The following CYRIA variants were observed in gnomAD, a reference collection of about 807,000 sequenced individuals.
CYRIA encodes CYFIP-related Rac1 interactor A.
In CYRIA, 15 loss-of-function variants were observed where a neutral mutation model predicts 43.9. That is an observed-to-expected ratio of 0.34 (90% CI 0.23 to 0.53). The LOEUF (loss-of-function observed/expected upper bound fraction) is 0.53, where lower values mean the gene tolerates loss of function less well. Ranked by LOEUF, CYRIA falls within the 20% of genes least tolerant of loss-of-function variation. The pLI, the probability that CYRIA is intolerant of heterozygous loss-of-function variation, is 0.94. For synonymous variants in CYRIA, 117 were observed against 136.0 expected (o/e 0.86, Z 0.97); for missense variants, 236 against 394.2 (o/e 0.60, Z 3.40).
chr2:16,640,434 A>ACACAGTCCCCTGGCTGGG (rs1669640005), intron 1 of CYRIA, among the ~76,000 whole-genome samples: 11 of 152,346 alleles, frequency 7.2e-5, no homozygotes, highest in Admixed American at 7.2e-4. Flanking sequence ...GGGGACTGGG[A>ACACAGTCCCCTGGCTGGG]GAACCACAAG....
chr2:16,571,893 G>T (rs1667140817), intron 3 of CYRIA, among the ~76,000 whole-genome samples: 1 of 152,078 alleles, frequency 6.6e-6, no homozygotes, highest in Admixed American at 6.6e-5. Context: ...GTGATTTATA[G>T]CACAATACTA....
intron 2 of CYRIA, among the ~76,000 whole-genome samples, chr2:16,615,982 C>T (rs539772350): frequency 8.5e-5 from 13 of 152,260 alleles, no homozygotes; most frequent in East Asian, 7.7e-4. Flanking sequence ...CTGTTTCGCT[C>T]GATTATCGCT....
At chr2:16,556,105 T>C (rs546593001) in intron 10 of CYRIA, among the ~76,000 whole-genome samples, 1 of 152,244 alleles carries the variant, frequency 6.6e-6, no homozygotes, top group South Asian at 2.1e-4. Flanking sequence ...TATATTGGAT[T>C]TGGTTATACT....
chr2:16,561,155 A>T lies in CYRIA; in HGVS notation c.630+6T>A, dbSNP rs569476319. The T allele has an allele frequency of 3.7e-6, 6 of 1,612,524 alleles. No individual in the cohort carries two copies. In the South Asian group the frequency reaches 5.5e-5, roughly 15 times the overall value. ...AAAAAGCACCTCGTTGCTCAACTTC[A>T]CTTACTTCAGAGACAAAGTGCATTG... is the stretch of plus-strand genomic sequence containing the variant. On this transcript the variant is annotated splice_donor_region_variant and intron_variant, in intron 8 of 11. Coordinates refer to ENST00000381323, the MANE Select transcript of CYRIA (RefSeq NM_030797.4).
chr2:16,618,434 A>G (rs982871988), intron 2 of CYRIA, among the ~76,000 whole-genome samples: 1 of 152,186 alleles, frequency 6.6e-6, no homozygotes, highest in African/African-American at 2.4e-5. Context: ...GGAAGAAGAG[A>G]AGAACCCCAG....
chr2:16,589,161 T>C (rs1667835805), intron 2 of CYRIA, among the ~76,000 whole-genome samples: 2 of 152,112 alleles, frequency 1.3e-5, no homozygotes, highest in African/African-American at 4.8e-5. Context: ...GTAAGTGAAC[T>C]CTTGTGCCTC....
At chr2:16,663,606 C>T (rs1216649133) in intron 1 of CYRIA, among the ~76,000 whole-genome samples, 1 of 151,800 alleles carries the variant, frequency 6.6e-6, no homozygotes, top group Admixed American at 6.6e-5. Context: ...CTCTGGGTCC[C>T]TGACTTATCT....
rs571633972 is a variant in CYRIA, at chr2:16,640,567, C to T, written c.-166-16548G>A. On this transcript the variant is annotated intron_variant, in intron 1 of 11. Transcript: ENST00000381323. ...CAGAGTGGAGAGCCCCATCTGGTTG[C>T]TTGGCCTTTCCTCTGGTGCTGCTGG... 1.7e-3 allele frequency among the ~76,000 whole-genome samples: 266 copies of T among 152,344 alleles called. 1 individual carries two copies. The highest frequency in any genetic ancestry group is 6.1e-3 in the African/African-American group (254 of 41,582).
Position 16,552,695 on chromosome 2 carries a change from T to A in CYRIA, c.*241A>T. The A allele has an allele frequency of 2.2e-6, 1 of 464,720 alleles. No homozygotes were observed. Among genetic ancestry groups the A allele is most frequent in the Non-Finnish European group, 3.8e-6 (1 of 261,638 alleles). The allele number at this position is 464,720 out of a possible 1,614,324, so 28.8% of individuals were successfully genotyped here. On this transcript the variant is annotated 3_prime_UTR_variant, in exon 12 of 12. Coordinates refer to ENST00000381323, the MANE Select transcript of CYRIA (RefSeq NM_030797.4). The stretch of plus-strand genomic sequence containing the variant: ...AGGACTCCAGTAGCAAAGATCAAAG[T>A]CTCCGAATTTTGCCTTTGGAGAAGG...
At chr2:16,611,988 G>T (rs1188792487) in intron 2 of CYRIA, among the ~76,000 whole-genome samples, 2 of 152,066 alleles carry the variant, frequency 1.3e-5, no homozygotes, top group Non-Finnish European at 2.9e-5. Context: ...TCCTGCAGGG[G>T]GGACTCCTTG....
chr2:16,607,763 A>G (rs1668458354), intron 2 of CYRIA, among the ~76,000 whole-genome samples: 2 of 151,724 alleles, frequency 1.3e-5, no homozygotes, highest in African/African-American at 4.8e-5. Flanking sequence ...CACCTGGCTA[A>G]TTTTCGTATT....
At chr2:16,560,920 A>T in intron 9 of CYRIA, 70 bp downstream of exon 9, 1 of 1,347,200 alleles carries the variant, frequency 7.4e-7, no homozygotes, top group Non-Finnish European at 1.1e-6. Flanking sequence ...ACATATCATT[A>T]ACATCATCAT....
chr2:16,614,232 A>G (rs547958698), intron 2 of CYRIA, among the ~76,000 whole-genome samples: 102 of 152,346 alleles, frequency 6.7e-4, no homozygotes, highest in Non-Finnish European at 8.5e-4. Flanking sequence ...TTTTATGGAC[A>G]GATGGGAGAT....
chr2:16,578,984 A>G (rs1376792799), intron 3 of CYRIA, among the ~76,000 whole-genome samples: 1 of 152,202 alleles, frequency 6.6e-6, no homozygotes, highest in Non-Finnish European at 1.5e-5. Context: ...AAACTACTAC[A>G]AAACAAAAAT....
At chr2:16,558,672 T>C (rs1226284715) in intron 10 of CYRIA, among the ~76,000 whole-genome samples, 1 of 152,150 alleles carries the variant, frequency 6.6e-6, no homozygotes, top group East Asian at 1.9e-4. Context: ...TCTTCATTCA[T>C]TCATTCATTC....
At position 16,588,186 on chromosome 2, in the gene CYRIA, C is replaced by T. The variant is rs994324041; in HGVS notation, c.-10-57G>A. 1.8e-5 allele frequency: 21 copies of T among 1,173,190 alleles called. No homozygotes were observed. The East Asian group carries it at 2.2e-4, about 12-fold the overall frequency. 72.7% of individuals were successfully genotyped at this position (1,173,190 alleles called of 1,614,324 possible). A position where few individuals can be genotyped will look rare whatever the true frequency, so the allele number is the denominator to read the frequency against. ...TAGCAACATAAAAAAAATAGACTTG[C>T]GTGAATATCCCTGGGCCCCCCATAG... On this transcript the variant is annotated intron_variant, in intron 2 of 11. Coordinates refer to ENST00000381323, the MANE Select transcript of CYRIA (RefSeq NM_030797.4).
chr2:16,612,055 T>C (rs1032648541), intron 2 of CYRIA, among the ~76,000 whole-genome samples: 1 of 152,110 alleles, frequency 6.6e-6, no homozygotes, highest in African/African-American at 2.4e-5. Context: ...CATTTCCACA[T>C]TCCTGGTCAC....
chr2:16,635,214 G>A (rs1039685374), intron 1 of CYRIA, among the ~76,000 whole-genome samples: 4 of 152,196 alleles, frequency 2.6e-5, no homozygotes, highest in African/African-American at 9.7e-5. Flanking sequence ...TCACGCACAG[G>A]AAAGCCCCTC....
intron 2 of CYRIA, among the ~76,000 whole-genome samples, chr2:16,589,971 C>T (rs887157499): frequency 4.6e-5 from 7 of 151,714 alleles, no homozygotes; most frequent in African/African-American, 1.5e-4. Flanking sequence ...CCCTCAACAG[C>T]GTTGGAAAAA....
Sources: allele counts gnomAD v4.1 joint callset (sites outside exome capture counted in the v4.1 genomes callset), GRCh38; gene constraint gnomAD v4.1.1; transcripts MANE v1.5; gene names NCBI Gene and HGNC (gene_info 2026-07-23, HGNC 2026-07-21).